The following AK8 variants were observed in gnomAD, a reference collection of about 807,000 sequenced individuals.
The protein encoded by AK8 is adenylate kinase 8.
AK8 carries 44 observed loss-of-function variants against 54.6 expected under a neutral mutation model. That is an observed-to-expected ratio of 0.81 (90% CI 0.63 to 1.04). AK8 has a LOEUF of 1.04. Ranked by LOEUF, AK8 falls within the 50% of genes least tolerant of loss-of-function variation. The pLI, the probability that AK8 is intolerant of heterozygous loss-of-function variation, is 0.00. For synonymous variants in AK8, 239 were observed against 245.6 expected, an observed-to-expected ratio of 0.97 and a Z score of 0.25; for missense variants, 555 against 613.6, an observed-to-expected ratio of 0.90 and a Z score of 1.01.
intron 11 of AK8, among the ~76,000 whole-genome samples, chr9:132,789,919 T>C (rs1202047674): frequency 1.3e-5 from 2 of 152,140 alleles, no homozygotes; most frequent in African/African-American, 4.8e-5. Flanking sequence ...ACCCAGATAG[T>C]CCAGGATGAC....
rs186002895 is a variant in AK8 at position 132,765,164 on chromosome 9, G to A, written c.1121+27470C>T. On this transcript the variant is annotated intron_variant, in intron 11 of 12. Coordinates refer to ENST00000298545, the MANE Select transcript of AK8 (RefSeq NM_152572.3). The stretch of plus-strand genomic sequence containing the variant: ...AAAAATTAGCTGGGCGTGGTGGCAC[G>A]CACTTGTAGTCCCAGCTACTCGGGA... 3.6e-3 allele frequency among the ~76,000 whole-genome samples: 553 copies of A among 152,048 alleles called. 4 individuals carry two copies. The highest frequency in any genetic ancestry group is 0.012 in the African/African-American group (486 of 41,470).
At position 132,823,275 on chromosome 9, in the gene AK8, C is replaced by G; in HGVS notation, c.819G>C (p.Leu273=). Residue 273 remains leucine, a synonymous_variant, in exon 9 of 13, where the codon CTG becomes CTC. Transcript: ENST00000298545. ...TTTTCCCACTGCCCACAGGCCCGAG[C>G]AGCAGCACCCTCGGGGTGAACGGGG... is the stretch of plus-strand genomic sequence containing the variant. ...TNAPFTPRVL[L]LGPVGSGKSL... is the part of the protein sequence containing the mutation. 2 of 1,612,594 alleles carry G rather than the reference C, an allele frequency of 1.2e-6. No individual in the cohort carries two copies. Among genetic ancestry groups the G allele is most frequent in the East Asian group, 4.5e-5 (2 of 44,764 alleles).
chr9:132,811,723 C>T (rs1318480107), intron 10 of AK8, among the ~76,000 whole-genome samples: 1 of 152,230 alleles, frequency 6.6e-6, no homozygotes, highest in Non-Finnish European at 1.5e-5. Context: ...TACAGCATCA[C>T]CACTGCCACT....
intron 11 of AK8, among the ~76,000 whole-genome samples, chr9:132,774,239 G>A (rs963877071): frequency 2.0e-5 from 3 of 152,118 alleles, no homozygotes; most frequent in African/African-American, 7.2e-5. Flanking sequence ...TGGGGTGGGG[G>A]TGGCTCTGAC....
intron 10 of AK8, among the ~76,000 whole-genome samples, chr9:132,795,604 G>A (rs933384628): frequency 5.9e-5 from 9 of 152,124 alleles, no homozygotes; most frequent in South Asian, 2.1e-4. Flanking sequence ...CTATCCCCAC[G>A]ATTCACCCAG....
chr9:132,809,596 G>A (rs429181), intron 10 of AK8, among the ~76,000 whole-genome samples: 42,864 of 152,076 alleles, frequency 0.28, 6,179 homozygotes, highest in East Asian at 0.49. Context: ...CATACAATGG[G>A]TGGTTTGTCT....
intron 11 of AK8, among the ~76,000 whole-genome samples, chr9:132,750,834 G>A (rs1035320561): frequency 3.3e-5 from 5 of 151,930 alleles, no homozygotes; most frequent in Non-Finnish European, 5.9e-5. Context: ...CTTTGCAATC[G>A]GAAGAAACCT....
At chr9:132,780,361 G>A (rs1472512000) in intron 11 of AK8, among the ~76,000 whole-genome samples, 1 of 152,184 alleles carries the variant, frequency 6.6e-6, no homozygotes, top group Non-Finnish European at 1.5e-5. Flanking sequence ...AGCCCCTTGT[G>A]CCTGGGGGTG....
chr9:132,852,858 G>A (rs1337162921), intron 5 of AK8, among the ~76,000 whole-genome samples: 1 of 149,766 alleles, frequency 6.7e-6, no homozygotes, highest in Non-Finnish European at 1.5e-5. Context: ...TGGGACAACA[G>A]CAAAAGGGTG....
At chr9:132,757,986 G>T (rs949252905) in intron 11 of AK8, among the ~76,000 whole-genome samples, 18 of 152,218 alleles carry the variant, frequency 1.2e-4, no homozygotes, top group Non-Finnish European at 2.1e-4. Flanking sequence ...GATGGCTCTG[G>T]GGGCTGTCCC....
intron 11 of AK8, among the ~76,000 whole-genome samples, chr9:132,787,130 T>C (rs1285442951): frequency 1.3e-5 from 2 of 152,102 alleles, no homozygotes; most frequent in East Asian, 3.9e-4. Context: ...AAAAAAGATA[T>C]TTTTACAACA....
At chr9:132,827,829 C>G in intron 7 of AK8, 184 bp downstream of exon 7, 1 of 592,444 alleles carries the variant, frequency 1.7e-6, no homozygotes, top group East Asian at 2.9e-5. Flanking sequence ...GCCTCCATTT[C>G]CTCATCTACC....
intron 11 of AK8, among the ~76,000 whole-genome samples, chr9:132,764,669 T>C (rs1838640471): frequency 6.6e-6 from 1 of 152,236 alleles, no homozygotes; most frequent in Non-Finnish European, 1.5e-5. Flanking sequence ...GAATCAGTAA[T>C]AAAAAGTCTC....
chr9:132,850,067 T>C (rs1842911181), intron 5 of AK8, among the ~76,000 whole-genome samples: 1 of 148,750 alleles, frequency 6.7e-6, no homozygotes, highest in Admixed American at 6.7e-5. Flanking sequence ...TTTTTTTTTT[T>C]TTTTGAGACA....
intron 10 of AK8, among the ~76,000 whole-genome samples, chr9:132,808,038 G>A (rs537402829): frequency 6.6e-6 from 1 of 152,152 alleles, no homozygotes; most frequent in East Asian, 1.9e-4. Context: ...TGTAGAACAC[G>A]GTGGCAATGG....
At chr9:132,800,576 C>T (rs370113735) in intron 10 of AK8, among the ~76,000 whole-genome samples, 4 of 152,176 alleles carry the variant, frequency 2.6e-5, no homozygotes, top group African/African-American at 9.7e-5. Flanking sequence ...AAACAGATGC[C>T]TTCCATGGTT....
At chr9:132,751,389 A>C (rs898742047) in intron 11 of AK8, among the ~76,000 whole-genome samples, 3 of 150,506 alleles carry the variant, frequency 2.0e-5, no homozygotes, top group South Asian at 2.1e-4. Flanking sequence ...AAAAAAAAAA[A>C]AAAAAAACAA....
At chr9:132,726,997 T>C (rs1403637727) in intron 12 of AK8, among the ~76,000 whole-genome samples, 2 of 150,932 alleles carry the variant, frequency 1.3e-5, no homozygotes, top group Non-Finnish European at 2.9e-5. Context: ...ATGAATGCAG[T>C]GATTGTATTT....
At chr9:132,868,515 A>G (rs1185447889) in intron 2 of AK8, among the ~76,000 whole-genome samples, 1 of 150,878 alleles carries the variant, frequency 6.6e-6, no homozygotes, top group Non-Finnish European at 1.5e-5. Flanking sequence ...CCAGCCTCCC[A>G]CTCCTTCTCC....
Sources: allele counts gnomAD v4.1 joint callset (sites outside exome capture counted in the v4.1 genomes callset), GRCh38; gene constraint gnomAD v4.1.1; transcripts MANE v1.5; gene names NCBI Gene and HGNC (gene_info 2026-07-23, HGNC 2026-07-21).